AFDN: variants seen among roughly 807,000 people sequenced by gnomAD.
AFDN encodes afadin, adherens junction formation factor, also known as afadin.
AFDN carries 68 observed loss-of-function variants against 216.6 expected under a neutral mutation model. The observed-to-expected ratio is 0.31, with a 90% CI of 0.26 to 0.38. The LOEUF is 0.38. Among genes scored for constraint, AFDN ranks in the 10% least tolerant of loss-of-function variants. The pLI, the probability that AFDN is intolerant of heterozygous loss-of-function variation, is 1.00. For synonymous variants in AFDN, 868 were observed against 853.7 expected (o/e 1.02, Z -0.29); for missense variants, 2,136 against 2,342.0 (o/e 0.91, Z 1.82).
intron 23 of AFDN, among the ~76,000 whole-genome samples, chr6:167,928,263 G>C (rs1792823991): frequency 6.6e-6 from 1 of 152,248 alleles, no homozygotes; most frequent in Non-Finnish European, 1.5e-5. Flanking sequence ...GGGTTCACTT[G>C]GCACTTTCTC....
intron 3 of AFDN, among the ~76,000 whole-genome samples, chr6:167,871,113 C>T (rs1784740031): frequency 6.6e-6 from 1 of 150,784 alleles, no homozygotes; most frequent in South Asian, 2.1e-4. Context: ...TCATTCCCCC[C>T]CGCCCCGCCC....
intron 30 of AFDN, 89 bp downstream of exon 30, chr6:167,952,276 C>G (rs765132924): frequency 1.9e-6 from 3 of 1,599,070 alleles, no homozygotes; most frequent in South Asian, 2.3e-5. Context: ...GGCCCCTGAT[C>G]GTGATAAGGA....
At position 167,924,996 on chromosome 6, in the gene AFDN, A is replaced by G; in HGVS notation, c.3013-9A>G. 1.2e-6 allele frequency: 2 copies of G among 1,602,824 alleles called. No individual in the cohort carries two copies. Among genetic ancestry groups the G allele is most frequent in the Non-Finnish European group, 1.7e-6 (2 of 1,169,732 alleles). On this transcript the variant is annotated splice_polypyrimidine_tract_variant and intron_variant, in intron 22 of 33. Coordinates refer to ENST00000683244, the MANE Select transcript of AFDN (RefSeq NM_001386888.1). The stretch of plus-strand genomic sequence containing the variant: ...AGTCATAAAATAAACCTTTGTTTTC[A>G]TCCTTTAGGCTCAGCCTCTGAGGAA...
Position 167,952,187 on chromosome 6 carries a change from G to A in AFDN, c.4833G>A (p.Arg1611=). The change falls in exon 30 of 34, where the codon AGG becomes AGA. Residue 1611 remains arginine, a splice_region_variant and synonymous_variant. Coordinates refer to ENST00000683244, the MANE Select transcript of AFDN (RefSeq NM_001386888.1). The part of the protein sequence containing the change: ...MQRLEAERRA[R]LQDEERRRQQ... ...GCCTGGAGGCTGAACGAAGAGCGAG[G>A]GTAAAGGGGGGAGTGCTTTGGCTGT... is the stretch of plus-strand genomic sequence containing the variant. The A allele has an allele frequency of 6.2e-7, 1 of 1,614,036 alleles. No homozygotes were observed. Among genetic ancestry groups the A allele is most frequent in the Non-Finnish European group, 8.5e-7 (1 of 1,179,968 alleles).
intron 1 of AFDN, among the ~76,000 whole-genome samples, chr6:167,839,080 A>G (rs1411009633): frequency 6.6e-6 from 1 of 152,154 alleles, no homozygotes; most frequent in East Asian, 1.9e-4. Flanking sequence ...GCACCCAACC[A>G]TGAAGTGCTA....
Position 167,894,757 on chromosome 6 carries a change from C to T in AFDN, c.1222+851C>T, listed in dbSNP as rs556765764. 4.3e-4 allele frequency among the ~76,000 whole-genome samples: 65 copies of T among 152,298 alleles called. No individual in the cohort carries two copies. The South Asian group carries it at 0.011, about 26-fold the overall frequency. On this transcript the variant is annotated intron_variant, in intron 9 of 33. Coordinates refer to ENST00000683244, the MANE Select transcript of AFDN (RefSeq NM_001386888.1). The stretch of plus-strand genomic sequence containing the variant: ...GAGAGACTGAGAAAGCAGCTTCTGT[C>T]TCTCCCTTTCTCTGTTTTGAAATCT...
intron 4 of AFDN, 119 bp downstream of exon 4, chr6:167,872,496 G>A: frequency 8.9e-7 from 1 of 1,128,900 alleles, no homozygotes; most frequent in Admixed American, 2.2e-5. Flanking sequence ...GTCAGGAAAT[G>A]TGTTTGGGTC....
chr6:167,875,824 T>C (rs1478134492), intron 5 of AFDN, among the ~76,000 whole-genome samples: 4 of 152,170 alleles, frequency 2.6e-5, no homozygotes, highest in Admixed American at 2.6e-4. Context: ...CCAAAATACA[T>C]TGCCTCCATT....
chr6:167,949,731 C>G (rs760597932), intron 29 of AFDN, among the ~76,000 whole-genome samples: 1 of 152,186 alleles, frequency 6.6e-6, no homozygotes, highest in Non-Finnish European at 1.5e-5. Flanking sequence ...TCCCATATGT[C>G]AAGACAACCC....
intron 23 of AFDN, among the ~76,000 whole-genome samples, chr6:167,933,849 T>G (rs1352626253): frequency 6.6e-6 from 1 of 152,196 alleles, no homozygotes; most frequent in Admixed American, 6.5e-5. Flanking sequence ...AAATGATAAT[T>G]TGTAGAGTTT....
Position 167,872,303 on chromosome 6 carries a change from A to G in AFDN, c.504A>G (p.Glu168=). ...CTCTCTCAAAGAAAGAAAAGAAGGA[A>G]AAAAAGAAGAGAGAAAAAGAGGCAT... ...KRTLSKKEKK[E]KKKREKEALR... Residue 168 remains glutamate, a synonymous_variant, in exon 4 of 34, where the codon GAA becomes GAG. Transcript: ENST00000683244. 1.2e-6 allele frequency: 2 copies of G among 1,614,088 alleles called. No individual in the cohort carries two copies. The highest frequency in any genetic ancestry group is 1.7e-6 in the Non-Finnish European group (2 of 1,179,982).
rs750329445 is a variant in AFDN at position 167,962,442 on chromosome 6, G to A, written c.4843G>A (p.Glu1615Lys). 1.1e-5 allele frequency: 18 copies of A among 1,613,590 alleles called. No homozygotes were observed. The Admixed American group carries it at 2.5e-4, about 22-fold the overall frequency. Residue 1615 changes from glutamate (E) to lysine (K), a missense_variant, in exon 31 of 34, where the codon GAG (glutamate) becomes AAG (lysine). By Grantham distance (56) the Glu-to-Lys change is moderately conservative. Coordinates refer to ENST00000683244, the MANE Select transcript of AFDN (RefSeq NM_001386888.1). The surrounding 1 kb of genome is among the most constrained non-coding windows in gnomAD (Gnocchi z 5.2). ...GTCAGCCTGTTGTTAGTTGCAGGAC[G>A]AGGAGCGGAGGCGGCAGCAGCAGTT... ...EAERRARLQD[E>K]ERRRQQQLEE...
At chr6:167,889,738 C>G (rs574137228) in intron 7 of AFDN, among the ~76,000 whole-genome samples, 1 of 152,218 alleles carries the variant, frequency 6.6e-6, no homozygotes, top group Non-Finnish European at 1.5e-5. Context: ...TTATCTGAGT[C>G]TCATGTGTTA....
At chr6:167,835,456 C>T (rs142639269) in intron 1 of AFDN, among the ~76,000 whole-genome samples, 5 of 152,128 alleles carry the variant, frequency 3.3e-5, no homozygotes, top group Non-Finnish European at 5.9e-5. Flanking sequence ...TTTTTTGAGA[C>T]AGCTGTCAAG....
At chr6:167,914,842 G>C (rs911089540) in intron 18 of AFDN, 104 bp downstream of exon 18, 2 of 782,156 alleles carry the variant, frequency 2.6e-6, no homozygotes, top group African/African-American at 1.8e-5. Context: ...AAATAAATGG[G>C]ATGTCCTTTT....
Position 167,911,441 on chromosome 6 carries a change from C to T in AFDN, c.1989C>T (p.Val663=). The change falls in exon 15 of 34, where the codon GTC becomes GTT. Residue 663 remains valine (V), a synonymous_variant. Coordinates refer to ENST00000683244, the MANE Select transcript of AFDN (RefSeq NM_001386888.1). The part of the protein sequence containing the change: ...DISPTERTHK[V]IAVVNKMVSM... The stretch of plus-strand genomic sequence containing the variant: ...GCCCTACAGAGCGCACACATAAAGT[C>T]ATTGCAGTCGTCAACAAGATGGTGA... 1 of 1,614,128 alleles carries T rather than the reference C, an allele frequency of 6.2e-7. No individual in the cohort carries two copies. Among genetic ancestry groups the T allele is most frequent in the South Asian group, 1.1e-5 (1 of 91,070 alleles).
intron 29 of AFDN, 67 bp downstream of exon 29, chr6:167,948,545 C>A: frequency 7.0e-7 from 1 of 1,432,576 alleles, no homozygotes; most frequent in Non-Finnish European, 9.6e-7. Flanking sequence ...TTCTGAGACA[C>A]AATTAATATT....
At chr6:167,875,710 T>C (rs1785284094) in intron 5 of AFDN, among the ~76,000 whole-genome samples, 1 of 150,844 alleles carries the variant, frequency 6.6e-6, no homozygotes, top group South Asian at 2.1e-4. Flanking sequence ...TTTTACCCAA[T>C]ACAGCTCTTA....
chr6:167,843,661 GC>G (rs1781320839), intron 1 of AFDN, among the ~76,000 whole-genome samples: 1 of 152,186 alleles, frequency 6.6e-6, no homozygotes, highest in Admixed American at 6.5e-5. Flanking sequence ...TGAAAGTCTG[GC>G]CCCTTGCTGG....
Sources: gnomAD v4.1 joint callset for allele counts (sites outside exome capture counted in the v4.1 genomes callset) on GRCh38, gnomAD v4.1.1 for gene constraint, Gnocchi (gnomAD v3.1) non-coding constraint, MANE v1.5 for transcripts, NCBI Gene and HGNC (gene_info 2026-07-23, HGNC 2026-07-21) for gene names.